NALF1: variants seen among roughly 807,000 people sequenced by gnomAD.
NALF1 encodes family with sequence similarity 155 member A.
A neutral mutation model predicts 48.4 loss-of-function variants in NALF1; 3 were observed. That is an observed-to-expected ratio of 0.06 (90% CI 0.03 to 0.16). The LOEUF (loss-of-function observed/expected upper bound fraction) is 0.16. NALF1 is among the 10% of genes least tolerant of loss of function. The pLI, the probability that NALF1 is intolerant of heterozygous loss-of-function variation, is 1.00. For synonymous variants in NALF1, 262 were observed against 245.7 expected (o/e 1.07, Z -0.62); for missense variants, 526 against 571.5 (o/e 0.92, Z 0.81).
intron 1 of NALF1, among the ~76,000 whole-genome samples, chr13:107,633,478 C>G (rs1879886078): frequency 1.3e-5 from 2 of 151,734 alleles, no homozygotes; most frequent in African/African-American, 4.8e-5. Flanking sequence ...TTGTGAATGA[C>G]CATTCTGTTT....
intron 1 of NALF1, among the ~76,000 whole-genome samples, chr13:107,328,453 A>G (rs920440771): frequency 1.3e-5 from 2 of 152,162 alleles, no homozygotes; most frequent in African/African-American, 4.8e-5. Flanking sequence ...AACAATTTCT[A>G]ATTTATCACA....
chr13:107,607,344 C>A (rs991292208), intron 1 of NALF1, among the ~76,000 whole-genome samples: 4 of 151,970 alleles, frequency 2.6e-5, no homozygotes, highest in Non-Finnish European at 5.9e-5. Flanking sequence ...ACATTTAATT[C>A]ACAAGCCTGA....
chr13:107,818,734 T>A lies in NALF1; in HGVS notation c.915+46948A>T, dbSNP rs576693485. 2.2e-3 allele frequency among the ~76,000 whole-genome samples: 314 copies of A among 145,654 alleles called. 1 individual carries two copies. The highest frequency in any genetic ancestry group is 8.1e-3 in the African/African-American group (300 of 37,264). On this transcript the variant is annotated intron_variant, in intron 1 of 2. Coordinates refer to ENST00000375915, the MANE Select transcript of NALF1 (RefSeq NM_001080396.3). ...AAAAATACAAAAAATTAGCCGGGCG[T>A]GGTAGCGGGCGCCTGTAGTCCCAGC...
At chr13:107,587,197 G>A (rs943138332) in intron 1 of NALF1, among the ~76,000 whole-genome samples, 2 of 152,026 alleles carry the variant, frequency 1.3e-5, no homozygotes, top group Non-Finnish European at 2.9e-5. Flanking sequence ...CAGTCAGGAA[G>A]GGAACACAGA....
chr13:107,725,645 A>G (rs76066500), intron 1 of NALF1, among the ~76,000 whole-genome samples: 2,071 of 151,716 alleles, frequency 0.014, 51 homozygotes, highest in African/African-American at 0.048. Flanking sequence ...AGATCACGCC[A>G]GTGCACTCTA....
chr13:107,506,354 T>C (rs1875695309), intron 1 of NALF1, among the ~76,000 whole-genome samples: 1 of 152,120 alleles, frequency 6.6e-6, no homozygotes, highest in Non-Finnish European at 1.5e-5. Flanking sequence ...TTTAAAAATA[T>C]ACTAGATTTC....
chr13:107,739,740 G>A (rs1286608243), intron 1 of NALF1, among the ~76,000 whole-genome samples: 2 of 152,162 alleles, frequency 1.3e-5, no homozygotes, highest in Non-Finnish European at 2.9e-5. Flanking sequence ...GTGGGTGAGC[G>A]AGCGGAACTT....
At chr13:107,594,198 C>T (rs1003544344) in intron 1 of NALF1, among the ~76,000 whole-genome samples, 1 of 151,998 alleles carries the variant, frequency 6.6e-6, no homozygotes, top group Admixed American at 6.6e-5. Flanking sequence ...CCCAAGTCTG[C>T]GTTGTCATCC....
At chr13:107,225,448 T>A (rs1880082469) in intron 1 of NALF1, among the ~76,000 whole-genome samples, 2 of 152,168 alleles carry the variant, frequency 1.3e-5, no homozygotes, top group Non-Finnish European at 1.5e-5. Context: ...AGCTAATTTT[T>A]AAATTTTTAA....
intron 1 of NALF1, among the ~76,000 whole-genome samples, chr13:107,701,786 C>A (rs1881827779): frequency 6.6e-6 from 1 of 152,158 alleles, no homozygotes; most frequent in Non-Finnish European, 1.5e-5. Flanking sequence ...CGATTTTCTT[C>A]ACTATAGTAA....
intron 1 of NALF1, among the ~76,000 whole-genome samples, chr13:107,463,799 C>T (rs1884956381): frequency 6.6e-6 from 1 of 152,076 alleles, no homozygotes. Context: ...GAGGAAAAGG[C>T]ATTCCAAAAA....
At chr13:107,336,828 AT>A (rs1362302463) in intron 1 of NALF1, among the ~76,000 whole-genome samples, 1 of 152,036 alleles carries the variant, frequency 6.6e-6, no homozygotes, top group Non-Finnish European at 1.5e-5. Context: ...CCCTTACTCT[AT>A]TACACAGTTA....
intron 1 of NALF1, among the ~76,000 whole-genome samples, chr13:107,270,788 A>G (rs537846074): frequency 6.6e-5 from 10 of 151,238 alleles, no homozygotes; most frequent in African/African-American, 9.7e-5. Context: ...AGCATTAGGT[A>G]TATCTCCTAA....
chr13:107,457,934 T>A (rs1330833885), intron 1 of NALF1, among the ~76,000 whole-genome samples: 1 of 152,190 alleles, frequency 6.6e-6, no homozygotes, highest in African/African-American at 2.4e-5. Context: ...TCTACGTTGT[T>A]AATTCTTTTG....
chr13:107,314,868 C>T (rs1481422984), intron 1 of NALF1, among the ~76,000 whole-genome samples: 2 of 152,088 alleles, frequency 1.3e-5, no homozygotes, highest in South Asian at 4.1e-4. Flanking sequence ...TGAAAGCTCA[C>T]GCAATTCAAA....
intron 1 of NALF1, among the ~76,000 whole-genome samples, chr13:107,545,192 A>C (rs1190324440): frequency 2.0e-5 from 3 of 152,236 alleles, no homozygotes; most frequent in East Asian, 3.9e-4. Flanking sequence ...AGAAACATAA[A>C]GACAGATACA....
At chr13:107,620,814 A>C (rs891765556) in intron 1 of NALF1, among the ~76,000 whole-genome samples, 2 of 152,212 alleles carry the variant, frequency 1.3e-5, no homozygotes, top group African/African-American at 4.8e-5. Context: ...TTGTCTGTGC[A>C]GTGAGGGAAT....
chr13:107,514,962 G>A (rs1004763524), intron 1 of NALF1, among the ~76,000 whole-genome samples: 1 of 152,186 alleles, frequency 6.6e-6, no homozygotes, highest in South Asian at 2.1e-4. Context: ...CCTATGCATA[G>A]AGGAGACATA....
rs1056927342 is a variant in NALF1 at position 107,697,093 on chromosome 13, G to A, written c.915+168589C>T. ...ATTTGCTATGTTAAGATAATTTTGCGGAGTTTTAGAGAAAGTCTAAATAAT... is the reference window on the plus strand; with the variant it reads ...ATTTGCTATGTTAAGATAATTTTGCAGAGTTTTAGAGAAAGTCTAAATAAT... On this transcript the variant is annotated intron_variant, in intron 1 of 2. Transcript: ENST00000375915. Among the ~76,000 whole-genome samples the A allele has an allele frequency of 2.0e-5, 3 of 151,982 alleles. 1 individual carries two copies. Among genetic ancestry groups the A allele is most frequent in the East Asian group, 1.9e-4 (1 of 5,176 alleles).
Sources: allele counts gnomAD v4.1 joint callset (sites outside exome capture counted in the v4.1 genomes callset), GRCh38; gene constraint gnomAD v4.1.1; transcripts MANE v1.5; gene names NCBI Gene and HGNC (gene_info 2026-07-23, HGNC 2026-07-21).